TRIP10: variants seen among roughly 807,000 people sequenced by gnomAD.
TRIP10 encodes the protein thyroid hormone receptor interactor 10, also known as cdc42-interacting protein 4.
A neutral mutation model predicts 80.9 loss-of-function variants in TRIP10; 54 were observed. The observed-to-expected ratio is 0.67, with a 90% CI of 0.54 to 0.84. The LOEUF is 0.84. Among genes scored for constraint, TRIP10 ranks in the 40% least tolerant of loss-of-function variants. The probability of loss-of-function intolerance (pLI) is 0.00; values close to 1 mark genes in which losing one functional copy is unlikely to be tolerated. For synonymous variants in TRIP10, 321 were observed against 307.2 expected, an observed-to-expected ratio of 1.04 and a Z score of -0.47; for missense variants, 773 against 815.3, an observed-to-expected ratio of 0.95 and a Z score of 0.63.
At chr19:6,750,125 G>A in intron 12 of TRIP10, 59 bp downstream of exon 12, 4 of 1,573,714 alleles carry the variant, frequency 2.5e-6, no homozygotes, top group South Asian at 2.3e-5. Flanking sequence ...TCACTGCTGG[G>A]TGGGGTGGGG....
At position 6,745,006 on chromosome 19, in the gene TRIP10, G is replaced by C; in HGVS notation, c.984+12G>C. 1 of 1,610,824 alleles carries C rather than the reference G, an allele frequency of 6.2e-7. No homozygotes were observed. Among genetic ancestry groups the C allele is most frequent in the Non-Finnish European group, 8.5e-7 (1 of 1,178,510 alleles). ...GCAAGAAGAACAAGGTGGGGGCCGG[G>C]ACCCTTGGGATGGTGGGGGAGAAGG... On this transcript the variant is annotated intron_variant, in intron 9 of 14. Transcript: ENST00000313244. The surrounding 1 kb of genome is among the most constrained non-coding windows in gnomAD (Gnocchi z 7.2).
intron 11 of TRIP10, among the ~76,000 whole-genome samples, chr19:6,747,780 G>A (rs955449609): frequency 2.1e-5 from 3 of 144,874 alleles, no homozygotes; most frequent in South Asian, 4.4e-4. Context: ...GTAACACAGC[G>A]AGTCTCTACC....
chr19:6,744,930 G>T lies in TRIP10; in HGVS notation c.920G>T (p.Arg307Leu). ...DSSLGTPSDG[R>L]PELRGPGRSR... The stretch of plus-strand genomic sequence containing the variant: ...AGTCTGGGCACCCCCTCGGATGGAC[G>T]GCCTGAACTCCGAGGCCCGGGTCGC... The change falls in exon 9 of 15, where the codon CGG (arginine) becomes CTG (leucine). Residue 307 changes from arginine to leucine, a missense_variant. Arg to Leu is a moderately radical substitution (Grantham distance 102). Coordinates refer to ENST00000313244, the MANE Select transcript of TRIP10 (RefSeq NM_001288962.2). The surrounding 1 kb of genome is among the most constrained non-coding windows in gnomAD (Gnocchi z 4.9). The T allele has an allele frequency of 6.2e-7, 1 of 1,614,128 alleles. No homozygotes were observed. The highest frequency in any genetic ancestry group is 8.5e-7 in the Non-Finnish European group (1 of 1,180,026).
rs200223372 is a variant in TRIP10 at position 6,742,948 on chromosome 19, G to A, written c.198-19G>A. On this transcript the variant is annotated intron_variant, in intron 3 of 14. Coordinates refer to ENST00000313244, the MANE Select transcript of TRIP10 (RefSeq NM_001288962.2). ...GGAGGGGCCTGACTCCCTGTTCCCC[G>A]ATTCTCATCCAACCCCAGATTCAGC... The A allele has an allele frequency of 1.7e-5, 28 of 1,612,896 alleles. No individual in the cohort carries two copies. The highest frequency in any genetic ancestry group is 6.7e-5 in the East Asian group (3 of 44,874).
intron 1 of TRIP10, among the ~76,000 whole-genome samples, chr19:6,740,015 C>T (rs173174): frequency 1.8e-4 from 28 of 151,912 alleles, no homozygotes; most frequent in African/African-American, 6.8e-4. Flanking sequence ...CACAGGGTTG[C>T]GAATGAGGCG....
chr19:6,750,068 T>TTC lies in TRIP10; in HGVS notation c.1395+2_1395+3insTC. On this transcript the variant is annotated splice_region_variant and intron_variant, in intron 12 of 14. Coordinates refer to ENST00000313244, the MANE Select transcript of TRIP10 (RefSeq NM_001288962.2). ...AAATTGGAAGTGCAGAAGTATGAGGTCAGGAAAGACCCTGGGGAGGGGCGG... is the reference window on the plus strand; with the variant it reads ...AAATTGGAAGTGCAGAAGTATGAGGTTCCAGGAAAGACCCTGGGGAGGGGCGG... 6.4e-7 allele frequency: 1 copy of TTC among 1,558,434 alleles called. No individual in the cohort carries two copies. Among genetic ancestry groups the TTC allele is most frequent in the Non-Finnish European group, 8.7e-7 (1 of 1,155,382 alleles).
intron 5 of TRIP10, 72 bp from the exon 6 acceptor site, chr19:6,743,422 T>C: frequency 6.4e-7 from 1 of 1,574,618 alleles, no homozygotes. Context: ...CAATAATCCC[T>C]GAAACCTTGG....
rs557710915 is a variant in TRIP10 at position 6,745,350 on chromosome 19, C to T, written c.984+356C>T. 2.3e-4 allele frequency: 75 copies of T among 327,920 alleles called. No homozygotes were observed. Among genetic ancestry groups the T allele is most frequent in the African/African-American group, 4.1e-4 (19 of 46,218 alleles). 20.3% of individuals were successfully genotyped at this position (327,920 alleles called of 1,614,324 possible). ...ATCCTGCTGATGGGACTCTGGGAGC[C>T]GCCCTGCATGTCTTGCTTTCTTGGG... On this transcript the variant is annotated intron_variant, in intron 9 of 14. Coordinates refer to ENST00000313244, the MANE Select transcript of TRIP10 (RefSeq NM_001288962.2). The surrounding 1 kb of genome is among the most constrained non-coding windows in gnomAD (Gnocchi z 7.2).
In TRIP10 at chr19:6,745,929, T is replaced by C. The variant is rs1394564301; in HGVS notation, c.985-100T>C. 1.5e-5 allele frequency: 19 copies of C among 1,252,330 alleles called. No homozygotes were observed. The highest frequency in any genetic ancestry group is 1.8e-5 in the Non-Finnish European group (18 of 988,416). The allele number at this position is 1,252,330 out of a possible 1,614,324, so 77.6% of individuals were successfully genotyped here. ...TCCTTTTTTTGCGTCCATCCGTCCA[T>C]CCGTGCGTCCATCCCTCCGTCCATT... On this transcript the variant is annotated intron_variant, in intron 9 of 14. Transcript: ENST00000313244. This position sits in a 1 kb window ranked among gnomAD's most constrained non-coding sequence, Gnocchi z 7.2.
Position 6,746,463 on chromosome 19 carries a change from C to T in TRIP10, c.1164C>T (p.Thr388=), listed in dbSNP as rs371917765. 3.3e-5 allele frequency: 53 copies of T among 1,613,946 alleles called. No homozygotes were observed. The highest frequency in any genetic ancestry group is 4.1e-5 in the Non-Finnish European group (48 of 1,179,996). ...SLRGSRGTVV[T]EDFSHLPPEQ... Reference sequence around the variant, plus strand: ...TACCCACCTTGCAGACAGTGGTGACCGAGGATTTTAGCCACTTGCCCCCAG... The same window carrying T: ...TACCCACCTTGCAGACAGTGGTGACTGAGGATTTTAGCCACTTGCCCCCAG... Residue 388 remains threonine (T), a synonymous_variant, in exon 11 of 15, where the codon ACC becomes ACT. Coordinates refer to ENST00000313244, the MANE Select transcript of TRIP10 (RefSeq NM_001288962.2). This position sits in a 1 kb window ranked among gnomAD's most constrained non-coding sequence, Gnocchi z 6.2.
intron 11 of TRIP10, among the ~76,000 whole-genome samples, chr19:6,747,734 A>G (rs1300228970): frequency 6.6e-6 from 1 of 152,078 alleles, no homozygotes; most frequent in Non-Finnish European, 1.5e-5. Flanking sequence ...CGGAGGTTGC[A>G]GTGAGTCAAG....
At position 6,744,550 on chromosome 19, in the gene TRIP10, A is replaced by T; in HGVS notation, c.643-4A>T. ...CTGAGCCACCCTTGTCCCTGTCCTT[A>T]CAGAAGCTCCAAGACATGGATGAAC... On this transcript the variant is annotated splice_polypyrimidine_tract_variant and splice_region_variant and intron_variant, in intron 7 of 14. Coordinates refer to ENST00000313244, the MANE Select transcript of TRIP10 (RefSeq NM_001288962.2). This position sits in a 1 kb window ranked among gnomAD's most constrained non-coding sequence, Gnocchi z 4.9. 1.2e-6 allele frequency: 2 copies of T among 1,613,894 alleles called. No homozygotes were observed. The highest frequency in any genetic ancestry group is 1.7e-6 in the Non-Finnish European group (2 of 1,179,964).
Position 6,741,110 on chromosome 19 carries a change from A to C in TRIP10, c.125A>C (p.Tyr42Ser), listed in dbSNP as rs1179561331. Residue 42 changes from tyrosine (Y) to serine (S), a missense_variant, in exon 2 of 15, where the codon TAC becomes TCC. By Grantham distance (144) the Tyr-to-Ser change is moderately radical (BLOSUM62 -2). Coordinates refer to ENST00000313244, the MANE Select transcript of TRIP10 (RefSeq NM_001288962.2). Reference sequence around the variant, plus strand: ...GAACGCACCGAAGTGGAACAGGCTTACGCCAAACAACTGCGGTGAGACCCT... The same window carrying C: ...GAACGCACCGAAGTGGAACAGGCTTCCGCCAAACAACTGCGGTGAGACCCT... ...VKERTEVEQAYAKQLRSLVKK... is the reference protein window; with the variant it reads ...VKERTEVEQASAKQLRSLVKK... The C allele has an allele frequency of 1.9e-6, 3 of 1,614,102 alleles. No individual in the cohort carries two copies. The highest frequency in any genetic ancestry group is 2.5e-6 in the Non-Finnish European group (3 of 1,180,034).
intron 3 of TRIP10, among the ~76,000 whole-genome samples, chr19:6,741,969 C>G (rs919099692): frequency 2.0e-5 from 3 of 151,974 alleles, no homozygotes; most frequent in Admixed American, 6.6e-5. Flanking sequence ...AGTCACCTGC[C>G]ACCATGCCCA....
At chr19:6,739,841 C>G (rs1422655377) in intron 1 of TRIP10, 56 bp downstream of exon 1, 3 of 1,399,170 alleles carry the variant, frequency 2.1e-6, no homozygotes, top group Non-Finnish European at 2.8e-6. Context: ...AGGCACCCCC[C>G]TTTTGTCCCC....
intron 3 of TRIP10, among the ~76,000 whole-genome samples, chr19:6,741,546 C>T (rs145320965): frequency 6.6e-6 from 1 of 152,268 alleles, no homozygotes; most frequent in East Asian, 1.9e-4. Context: ...GTTACAAAAC[C>T]AGTAACTTTG....
chr19:6,744,560 C>T lies in TRIP10; in HGVS notation c.649C>T (p.Gln217Ter), dbSNP rs1568251896. 6.2e-7 allele frequency: 1 copy of T among 1,614,086 alleles called. No homozygotes were observed. The highest frequency in any genetic ancestry group is 1.6e-4 in the Middle Eastern group (1 of 6,062). ...CTTGTCCCTGTCCTTACAGAAGCTC[C>T]AAGACATGGATGAACGCAGGGCCAC... ...SQMPQIFDKL[Q>*]DMDERRATRL... Residue 217 changes from glutamine (Q) to a stop codon, truncating the protein, a stop_gained, in exon 8 of 15, where the codon CAA becomes TAA. Coordinates refer to ENST00000313244, the MANE Select transcript of TRIP10 (RefSeq NM_001288962.2). LOFTEE classifies it high-confidence loss of function. The surrounding 1 kb of genome is among the most constrained non-coding windows in gnomAD (Gnocchi z 4.9).
chr19:6,741,202 C>CTA, intron 2 of TRIP10, 23 bp from the exon 3 acceptor site: 1 of 1,612,938 alleles, frequency 6.2e-7, no homozygotes, highest in South Asian at 1.1e-5. Flanking sequence ...GGGCTCAGCC[C>CTA]TCCTACCTCT....
Position 6,739,765 on chromosome 19 carries a change from G to A in TRIP10, c.4G>A (p.Asp2Asn), listed in dbSNP as rs1968852887. The change falls in exon 1 of 15, where the codon GAT (aspartate) becomes AAT (asparagine). Residue 2 changes from aspartate (D) to asparagine (N), a missense_variant. By Grantham distance (23) the Asp-to-Asn change is conservative. Coordinates refer to ENST00000313244, the MANE Select transcript of TRIP10 (RefSeq NM_001288962.2). M[D>N]WGTELWDQFE... is the part of the protein sequence containing the mutation. ...CGGCGGCGGCGGCGGGAGCAGCATGGATTGGGGCACTGAGCTGTGGGTAAG... is the reference window on the plus strand; with the variant it reads ...CGGCGGCGGCGGCGGGAGCAGCATGAATTGGGGCACTGAGCTGTGGGTAAG... 6.9e-7 allele frequency: 1 copy of A among 1,453,618 alleles called. No homozygotes were observed. The highest frequency in any genetic ancestry group is 1.5e-5 in the African/African-American group (1 of 68,860). The allele number at this position is 1,453,618 out of a possible 1,614,324, so 90.0% of individuals were successfully genotyped here.
Sources: allele counts gnomAD v4.1 joint callset (sites outside exome capture counted in the v4.1 genomes callset), GRCh38; gene constraint gnomAD v4.1.1; non-coding constraint Gnocchi (gnomAD v3.1); transcripts MANE v1.5; gene names NCBI Gene and HGNC (gene_info 2026-07-23, HGNC 2026-07-21).